ALK: variants seen among roughly 807,000 people sequenced by gnomAD.
The protein encoded by ALK is ALK tyrosine kinase receptor.
A neutral mutation model predicts 163.1 loss-of-function variants in ALK; 74 were observed. That is an observed-to-expected ratio of 0.45 (90% CI 0.38 to 0.55). The LOEUF is 0.55. Among genes scored for constraint, ALK ranks in the 20% least tolerant of loss-of-function variants. ALK has a pLI of 0.00. For synonymous variants in ALK, 960 were observed against 843.2 expected, an observed-to-expected ratio of 1.14 and a Z score of -2.40; for missense variants, 2,063 against 2,105.3, an observed-to-expected ratio of 0.98 and a Z score of 0.39.
chr2:29,801,603 TG>T (rs1481055444), intron 1 of ALK, among the ~76,000 whole-genome samples: 1 of 152,246 alleles, frequency 6.6e-6, no homozygotes, highest in Non-Finnish European at 1.5e-5. Flanking sequence ...TCCTTGGTTT[TG>T]CCTTCTGTTT....
chr2:29,664,290 T>G (rs1677440865), intron 3 of ALK, among the ~76,000 whole-genome samples: 1 of 152,180 alleles, frequency 6.6e-6, no homozygotes, highest in African/African-American at 2.4e-5. Context: ...AACTTGAAAT[T>G]TGTTGTTTCT....
intron 4 of ALK, among the ~76,000 whole-genome samples, chr2:29,490,340 C>T (rs1207686493): frequency 6.6e-6 from 1 of 152,180 alleles, no homozygotes; most frequent in African/African-American, 2.4e-5. Context: ...CATTTAGTAG[C>T]ATTCCAATAA....
At chr2:29,307,765 G>A (rs1220937098) in intron 8 of ALK, among the ~76,000 whole-genome samples, 3 of 152,214 alleles carry the variant, frequency 2.0e-5, no homozygotes, top group Non-Finnish European at 4.4e-5. Flanking sequence ...AAGCTGGCCA[G>A]ATGCAGATTT....
chr2:29,395,336 G>A (rs543862766), intron 4 of ALK, among the ~76,000 whole-genome samples: 2 of 152,164 alleles, frequency 1.3e-5, no homozygotes, highest in Non-Finnish European at 2.9e-5. Flanking sequence ...TCTGGGGCTG[G>A]GATAAGTGGT....
At chr2:29,307,036 C>A (rs532830265) in intron 8 of ALK, among the ~76,000 whole-genome samples, 1 of 152,220 alleles carries the variant, frequency 6.6e-6, no homozygotes, top group South Asian at 2.1e-4. Flanking sequence ...AAAGCCGGAA[C>A]GGCATTGTGG....
intron 23 of ALK, among the ~76,000 whole-genome samples, chr2:29,218,279 G>T (rs1380695257): frequency 6.6e-6 from 1 of 152,204 alleles, no homozygotes; most frequent in Non-Finnish European, 1.5e-5. Flanking sequence ...AGGGTTGAAA[G>T]AGCAGATTGG....
At chr2:29,625,395 G>A (rs750638283) in intron 3 of ALK, among the ~76,000 whole-genome samples, 13 of 152,272 alleles carry the variant, frequency 8.5e-5, no homozygotes, top group Admixed American at 7.8e-4. Context: ...AAAGCTTTCC[G>A]ATAGATTTAA....
At chr2:29,426,844 A>C (rs955314767) in intron 4 of ALK, among the ~76,000 whole-genome samples, 1 of 151,840 alleles carries the variant, frequency 6.6e-6, no homozygotes, top group South Asian at 2.1e-4. Flanking sequence ...TCGAGACCAT[A>C]CTGGCCAACA....
intron 9 of ALK, among the ~76,000 whole-genome samples, chr2:29,296,319 C>A (rs1666176386): frequency 6.6e-6 from 1 of 152,198 alleles, no homozygotes; most frequent in African/African-American, 2.4e-5. Context: ...CAGGACCTGA[C>A]TCAACAGAGA....
At chr2:29,882,524 T>C (rs2148419291) in intron 1 of ALK, among the ~76,000 whole-genome samples, 1 of 152,204 alleles carries the variant, frequency 6.6e-6, no homozygotes, top group East Asian at 1.9e-4. Context: ...TGAAACCCCG[T>C]CTCTAATAAA....
chr2:29,251,354 C>G, intron 11 of ALK, 87 bp from the exon 12 acceptor site: 1 of 1,353,128 alleles, frequency 7.4e-7, no homozygotes, highest in Non-Finnish European at 1.0e-6. Context: ...GAGATATCTG[C>G]TCCATGGCCC....
At position 29,451,661 on chromosome 2, in the gene ALK, G is replaced by A. The variant is rs116061624; in HGVS notation, c.1155-67802C>T. ...CCTCTTTTGATCTCCTGTCAGTGCC[G>A]CATCCAAATCCGACAGCAATTTTTC... On this transcript the variant is annotated intron_variant, in intron 4 of 28. Transcript: ENST00000389048. Among the ~76,000 whole-genome samples the A allele has an allele frequency of 9.4e-3, 1,435 of 152,174 alleles. 20 individuals carry two copies. Among genetic ancestry groups the A allele is most frequent in the African/African-American group, 0.033 (1,354 of 41,506 alleles).
At chr2:29,374,467 A>G (rs2148295235) in intron 5 of ALK, among the ~76,000 whole-genome samples, 1 of 152,180 alleles carries the variant, frequency 6.6e-6, no homozygotes, top group East Asian at 1.9e-4. Flanking sequence ...TAATTGAGAT[A>G]CAGAGATTTT....
chr2:29,562,007 T>A (rs988152420), intron 3 of ALK, among the ~76,000 whole-genome samples: 20 of 152,204 alleles, frequency 1.3e-4, no homozygotes, highest in African/African-American at 4.6e-4. Flanking sequence ...GAACTTTGGA[T>A]TAATAGAGAG....
intron 1 of ALK, among the ~76,000 whole-genome samples, chr2:29,733,495 A>C (rs575118304): frequency 2.3e-4 from 35 of 152,338 alleles, no homozygotes; most frequent in African/African-American, 8.2e-4. Context: ...GACCTCAGGC[A>C]AACTATTTAA....
At chr2:29,770,715 G>C (rs1366276266) in intron 1 of ALK, among the ~76,000 whole-genome samples, 1 of 152,076 alleles carries the variant, frequency 6.6e-6, no homozygotes, top group Non-Finnish European at 1.5e-5. Context: ...GTAGAAATGG[G>C]AAAAGTCAAC....
At chr2:29,379,476 T>C (rs1395977571) in intron 5 of ALK, among the ~76,000 whole-genome samples, 1 of 152,226 alleles carries the variant, frequency 6.6e-6, no homozygotes, top group East Asian at 1.9e-4. Flanking sequence ...GACAAGGTCT[T>C]GAACTTCAAG....
At chr2:29,816,314 T>C (rs1664896282) in intron 1 of ALK, among the ~76,000 whole-genome samples, 1 of 152,138 alleles carries the variant, frequency 6.6e-6, no homozygotes, top group African/African-American at 2.4e-5. Context: ...TAAACCTGTT[T>C]CCTTCTCTCT....
At chr2:29,203,975 T>G (rs767272359) in intron 26 of ALK, among the ~76,000 whole-genome samples, 1 of 152,150 alleles carries the variant, frequency 6.6e-6, no homozygotes, top group Non-Finnish European at 1.5e-5. Flanking sequence ...CCTTAATTTT[T>G]TAAATAAAAA....
Sources: allele counts gnomAD v4.1 joint callset (sites outside exome capture counted in the v4.1 genomes callset), GRCh38; gene constraint gnomAD v4.1.1; transcripts MANE v1.5; gene names NCBI Gene and HGNC (gene_info 2026-07-23, HGNC 2026-07-21).